Variants in PCDH7 observed in about 807,000 individuals in gnomAD.
PCDH7 encodes protocadherin-7.
PCDH7 carries 17 observed loss-of-function variants against 58.9 expected under a neutral mutation model. The observed-to-expected ratio is 0.29, with a 90% CI of 0.20 to 0.43. The LOEUF is 0.43. Among genes scored for constraint, PCDH7 ranks in the 20% least tolerant of loss-of-function variants. The pLI is 1.00. For missense variants in PCDH7, 1,274 were observed against 1,441.0 expected, an observed-to-expected ratio of 0.88 and a Z score of 1.88; for synonymous variants, 664 against 616.4, an observed-to-expected ratio of 1.08 and a Z score of -1.14.
At chr4:30,965,778 C>CA (rs1373907322) in intron 3 of PCDH7, among the ~76,000 whole-genome samples, 3 of 151,912 alleles carry the variant, frequency 2.0e-5, no homozygotes, top group African/African-American at 7.3e-5. Flanking sequence ...CCATCAAAAA[C>CA]AAAATAATAC....
At chr4:30,809,911 T>C (rs774873389) in intron 1 of PCDH7, among the ~76,000 whole-genome samples, 61 of 152,238 alleles carry the variant, frequency 4.0e-4, no homozygotes, top group Non-Finnish European at 8.4e-4. Flanking sequence ...CACTCTTACT[T>C]GCTTTTGGAC....
At chr4:31,006,318 A>G (rs939508595) in intron 3 of PCDH7, among the ~76,000 whole-genome samples, 3 of 152,178 alleles carry the variant, frequency 2.0e-5, no homozygotes, top group African/African-American at 7.2e-5. Context: ...TAAAGCACAA[A>G]TGCACAAAAT....
At chr4:30,743,003 C>T (rs75068205) in intron 1 of PCDH7, among the ~76,000 whole-genome samples, 3,892 of 152,140 alleles carry the variant, frequency 0.026, 96 homozygotes, top group East Asian at 0.11. Context: ...TTAATTAATT[C>T]ATCTAATACT....
At chr4:30,899,925 C>G (rs550769067) in intron 1 of PCDH7, among the ~76,000 whole-genome samples, 74 of 152,096 alleles carry the variant, frequency 4.9e-4, no homozygotes, top group African/African-American at 1.7e-3. Context: ...TTGATAATAA[C>G]AATAATAATA....
intron 2 of PCDH7, among the ~76,000 whole-genome samples, chr4:30,946,888 T>A (rs1053489256): frequency 2.6e-5 from 4 of 152,124 alleles, no homozygotes; most frequent in Admixed American, 6.6e-5. Flanking sequence ...TTTTTTGTGC[T>A]TTTAGTAGGG....
intron 3 of PCDH7, among the ~76,000 whole-genome samples, chr4:30,962,011 C>T (rs4547762): frequency 0.61 from 93,501 of 152,036 alleles, 30,026 homozygotes; most frequent in African/African-American, 0.81. Flanking sequence ...TGGTAATCTA[C>T]TTCTCCCTTT....
intron 1 of PCDH7, among the ~76,000 whole-genome samples, chr4:30,850,623 A>G (rs147159129): frequency 1.2e-3 from 186 of 152,102 alleles, no homozygotes; most frequent in African/African-American, 4.3e-3. Context: ...GCTTCACAGA[A>G]GTTGTTTAAC....
chr4:31,087,428 T>G (rs1467746951), intron 3 of PCDH7, among the ~76,000 whole-genome samples: 2 of 152,196 alleles, frequency 1.3e-5, no homozygotes, highest in Non-Finnish European at 2.9e-5. Flanking sequence ...CGTTTATATT[T>G]GGATCTGATA....
At chr4:30,826,752 G>A (rs1729132972) in intron 1 of PCDH7, among the ~76,000 whole-genome samples, 1 of 151,940 alleles carries the variant, frequency 6.6e-6, no homozygotes. Flanking sequence ...TTGAGACAGG[G>A]TCTCGTTTTG....
intron 1 of PCDH7, among the ~76,000 whole-genome samples, chr4:30,741,694 G>C (rs1279583339): frequency 6.6e-6 from 1 of 152,178 alleles, no homozygotes; most frequent in Non-Finnish European, 1.5e-5. Flanking sequence ...GTTGAATAGT[G>C]TTTGTTATTT....
At chr4:31,117,464 GAGACATAGTTAATATTTTAGAA>G (rs1717141263) in intron 3 of PCDH7, among the ~76,000 whole-genome samples, 1 of 140,874 alleles carries the variant, frequency 7.1e-6, no homozygotes, top group African/African-American at 2.9e-5. Flanking sequence ...TTAGAATTCA[GAGACATAGTTAATATTTTAGAA>G]TTCATTAATT....
At chr4:31,043,458 C>T (rs772262959) in intron 3 of PCDH7, among the ~76,000 whole-genome samples, 2 of 151,972 alleles carry the variant, frequency 1.3e-5, no homozygotes, top group Non-Finnish European at 2.9e-5. Flanking sequence ...TGTTTTTTGA[C>T]TTTTAGTAAT....
At chr4:31,027,528 T>C (rs1007233458) in intron 3 of PCDH7, among the ~76,000 whole-genome samples, 1 of 152,128 alleles carries the variant, frequency 6.6e-6, no homozygotes, top group Admixed American at 6.6e-5. Flanking sequence ...GTTCAAGGGA[T>C]TCTCCTGCCT....
chr4:30,813,931 C>T (rs991739283), intron 1 of PCDH7, among the ~76,000 whole-genome samples: 5 of 152,096 alleles, frequency 3.3e-5, no homozygotes, highest in East Asian at 1.9e-4. Flanking sequence ...TGAGCTACCG[C>T]GCCCAATCGG....
intron 3 of PCDH7, among the ~76,000 whole-genome samples, chr4:31,112,844 A>G (rs1257372971): frequency 1.3e-5 from 2 of 152,192 alleles, no homozygotes; most frequent in Non-Finnish European, 2.9e-5. Context: ...CCCTCTGCCC[A>G]TCCTTTTGAA....
chr4:30,775,253 G>A (rs1721908710), intron 1 of PCDH7, among the ~76,000 whole-genome samples: 1 of 152,084 alleles, frequency 6.6e-6, no homozygotes, highest in African/African-American at 2.4e-5. Flanking sequence ...GTAATGGAAG[G>A]AATTGTAAGT....
At chr4:30,896,407 C>T (rs565466344) in intron 1 of PCDH7, among the ~76,000 whole-genome samples, 1 of 152,178 alleles carries the variant, frequency 6.6e-6, no homozygotes, top group East Asian at 1.9e-4. Flanking sequence ...AAATGTGTTT[C>T]TACCCCCACC....
intron 3 of PCDH7, among the ~76,000 whole-genome samples, chr4:31,040,501 C>T (rs1299246852): frequency 6.6e-6 from 1 of 152,156 alleles, no homozygotes; most frequent in Non-Finnish European, 1.5e-5. Flanking sequence ...ATTTAAATAA[C>T]CTTAGTTCAA....
At chr4:30,890,804 A>G (rs1738509624) in intron 1 of PCDH7, among the ~76,000 whole-genome samples, 1 of 152,134 alleles carries the variant, frequency 6.6e-6, no homozygotes, top group South Asian at 2.1e-4. Flanking sequence ...CCTTATATTT[A>G]CCTAGCGTAG....
Sources: allele counts gnomAD v4.1 joint callset (sites outside exome capture counted in the v4.1 genomes callset), GRCh38; gene constraint gnomAD v4.1.1; transcripts MANE v1.5; gene names NCBI Gene and HGNC (gene_info 2026-07-23, HGNC 2026-07-21).